P2RY8: variants seen among roughly 807,000 people sequenced by gnomAD.
P2RY8 encodes the protein S-geranylgeranyl-glutathione receptor P2RY8.
Under a neutral mutation model 10.0 loss-of-function variants are expected in P2RY8, and 6 were observed. The ratio of observed to expected loss-of-function variants is 0.60; its 90% CI spans 0.33 to 1.19. The LOEUF (loss-of-function observed/expected upper bound fraction) is 1.19. Among genes scored for constraint, P2RY8 ranks in the 50% most tolerant of loss-of-function variants. The pLI, the probability that P2RY8 is intolerant of heterozygous loss-of-function variation, is 0.04. For missense variants in P2RY8, 456 were observed against 542.0 expected (o/e 0.84, Z 1.58); for synonymous variants, 276 against 252.5 (o/e 1.09, Z -0.88).
intron 1 of P2RY8, among the ~76,000 whole-genome samples, chrX:1,497,652 T>A (rs1475984642): frequency 2.7e-5 from 4 of 147,450 alleles, no homozygotes; most frequent in African/African-American, 1.1e-4. Flanking sequence ...GTAAACTCTG[T>A]CTCAAAATAA....
intron 1 of P2RY8, among the ~76,000 whole-genome samples, chrX:1,509,092 T>G (rs1174560955): frequency 7.7e-6 from 1 of 130,164 alleles, no homozygotes; most frequent in Non-Finnish European, 1.7e-5. Flanking sequence ...TCTATCTATG[T>G]ATCTATGTAT....
chrX:1,494,869 ATTTT>A (rs59572174), intron 1 of P2RY8, among the ~76,000 whole-genome samples: 124 of 143,888 alleles, frequency 8.6e-4, no homozygotes, highest in Middle Eastern at 3.6e-3. Flanking sequence ...CACCTGGCTA[ATTTT>A]TTTTTTTTTT....
chrX:1,507,957 G>C (rs2092250614), intron 1 of P2RY8, among the ~76,000 whole-genome samples: 1 of 152,022 alleles, frequency 6.6e-6, no homozygotes, highest in African/African-American at 2.4e-5. Context: ...GGACCAGGCG[G>C]GACCCACACC....
chrX:1,465,634 C>T lies in P2RY8; in HGVS notation c.925G>A (p.Gly309Ser). Residue 309 changes from glycine to serine, a missense_variant, in exon 2 of 2, where the codon GGC becomes AGC. Transcript: ENST00000381297. The part of the protein sequence containing the change: ...EFQLRLREYL[G>S]CRRVPRDTLD... ...GTGTCTCTGGGCACCCGGCGGCAGC[C>T]CAAATATTCCCGCAGGCGCAGCTGG... 1 of 1,613,382 alleles carries T rather than the reference C, an allele frequency of 6.2e-7. No individual in the cohort carries two copies.
At chrX:1,534,754 G>C (rs1473762907) in intron 1 of P2RY8, among the ~76,000 whole-genome samples, 1 of 152,158 alleles carries the variant, frequency 6.6e-6, no homozygotes, top group Non-Finnish European at 1.5e-5. Flanking sequence ...GCGCAGGGCT[G>C]TACGTATGCA....
intron 1 of P2RY8, among the ~76,000 whole-genome samples, chrX:1,482,158 G>A: frequency 8.8e-6 from 1 of 113,542 alleles, no homozygotes; most frequent in South Asian, 3.1e-4. Context: ...ATTTGTGTGT[G>A]TGGTGTGTGT....
chrX:1,532,690 G>A (rs1355512096), intron 1 of P2RY8, among the ~76,000 whole-genome samples: 1 of 151,996 alleles, frequency 6.6e-6, no homozygotes, highest in Non-Finnish European at 1.5e-5. Context: ...GCTAAGCTAT[G>A]AGGATGCAAA....
chrX:1,498,320 G>A lies in P2RY8; in HGVS notation c.-24-31738C>T, dbSNP rs1214147057. Among the ~76,000 whole-genome samples, 5 of 149,094 alleles carry A rather than the reference G, an allele frequency of 3.4e-5. No individual in the cohort carries two copies. In the South Asian group the frequency reaches 6.5e-4, roughly 19 times the overall value. ...ACTCGGGAGGCTGAGGCAGGAGAAT[G>A]GCGTGAACCTGGGAGGCGGAGCTTG... On this transcript the variant is annotated intron_variant, in intron 1 of 1. Transcript: ENST00000381297.
chrX:1,485,701 A>AT (rs2091980544), intron 1 of P2RY8, among the ~76,000 whole-genome samples: 1 of 148,144 alleles, frequency 6.8e-6, no homozygotes, highest in African/African-American at 2.5e-5. Flanking sequence ...ATTATAAATT[A>AT]AACATGTTAT....
At chrX:1,497,857 C>T (rs1292735903) in intron 1 of P2RY8, among the ~76,000 whole-genome samples, 4 of 151,850 alleles carry the variant, frequency 2.6e-5, no homozygotes, top group African/African-American at 9.7e-5. Flanking sequence ...GGGTGTCAGA[C>T]CTGCAGCCTA....
chrX:1,535,584 G>C (rs184961132), intron 1 of P2RY8, among the ~76,000 whole-genome samples: 5,039 of 151,934 alleles, frequency 0.033, 287 homozygotes, highest in African/African-American at 0.12. Flanking sequence ...GCAGTCAGGT[G>C]CACCTGCTTC....
Position 1,463,175 on chromosome X carries a change from T to C in P2RY8, c.*2304A>G, listed in dbSNP as rs2091610776. 2 of 233,092 alleles carry C rather than the reference T, an allele frequency of 8.6e-6. No homozygotes were observed. Among genetic ancestry groups the C allele is most frequent in the African/African-American group, 2.2e-5 (1 of 45,314 alleles). The allele number at this position is 233,092 out of a possible 1,614,324, so 14.4% of individuals were successfully genotyped here. A position where few individuals can be genotyped will look rare whatever the true frequency, so the allele number is the denominator to read the frequency against. On this transcript the variant is annotated 3_prime_UTR_variant, in exon 2 of 2. Coordinates refer to ENST00000381297, the MANE Select transcript of P2RY8 (RefSeq NM_178129.5). ...CTACTCTGAGGTTTTTCACAGTTTTTTTTCCCCCATGAGACACACCCAAGG... is the reference window on the plus strand; with the variant it reads ...CTACTCTGAGGTTTTTCACAGTTTTCTTTCCCCCATGAGACACACCCAAGG...
chrX:1,512,789 C>T (rs1465509007), intron 1 of P2RY8, among the ~76,000 whole-genome samples: 1 of 151,906 alleles, frequency 6.6e-6, no homozygotes, highest in Non-Finnish European at 1.5e-5. Flanking sequence ...AGAAAACTGC[C>T]CATAAAGTTC....
At chrX:1,498,981 C>G (rs182468615) in intron 1 of P2RY8, among the ~76,000 whole-genome samples, 4 of 149,304 alleles carry the variant, frequency 2.7e-5, no homozygotes, top group African/African-American at 5.0e-5. Context: ...ATTACAGGCG[C>G]GTGCCATAAT....
At chrX:1,494,621 A>G (rs1173395663) in intron 1 of P2RY8, among the ~76,000 whole-genome samples, 1 of 152,146 alleles carries the variant, frequency 6.6e-6, no homozygotes, top group Non-Finnish European at 1.5e-5. Flanking sequence ...GGTTAAACTT[A>G]AGGACAGCTT....
intron 1 of P2RY8, among the ~76,000 whole-genome samples, chrX:1,468,448 G>A (rs2091723751): frequency 6.6e-6 from 1 of 152,200 alleles, no homozygotes. Flanking sequence ...AGCCCCCGGG[G>A]AAGACAGACA....
At chrX:1,509,982 C>T (rs5989660) in intron 1 of P2RY8, among the ~76,000 whole-genome samples, 62,335 of 151,258 alleles carry the variant, frequency 0.41, 13,246 homozygotes, top group Middle Eastern at 0.52. Context: ...TCCATCCATC[C>T]ATCATCTATG....
intron 1 of P2RY8, among the ~76,000 whole-genome samples, chrX:1,534,130 TTATATATATTTACATATATA>T (rs2092506229): frequency 4.6e-5 from 6 of 131,222 alleles, no homozygotes; most frequent in African/African-American, 1.8e-4. Flanking sequence ...TATTATATAT[TTATATATATTTACATATATA>T]TTTATATACA....
In P2RY8 at chrX:1,524,669, T is replaced by TCGTCCATC. The variant is rs1556686043; in HGVS notation, c.-25+12251_-25+12252insGATGGACG. 1.5e-3 allele frequency among the ~76,000 whole-genome samples: 78 copies of TCGTCCATC among 51,100 alleles called. 10 individuals carry two copies. Among genetic ancestry groups the TCGTCCATC allele is most frequent in the African/African-American group, 6.2e-3 (76 of 12,278 alleles). The allele number at this position is 51,100 out of a possible 152,430, so 33.5% of individuals were successfully genotyped here. A position where few individuals can be genotyped will look rare whatever the true frequency, so the allele number is the denominator to read the frequency against. On this transcript the variant is annotated intron_variant, in intron 1 of 1. Transcript: ENST00000381297. ...TACATCCATCCATCCATCCATCCAT[T>TCGTCCATC]CATCCATCCATCCATCCATCCATCC...
Sources: allele counts gnomAD v4.1 joint callset (sites outside exome capture counted in the v4.1 genomes callset), GRCh38; gene constraint gnomAD v4.1.1; transcripts MANE v1.5; gene names NCBI Gene and HGNC (gene_info 2026-07-23, HGNC 2026-07-21).